PAICS: variants seen among roughly 807,000 people sequenced by gnomAD.
PAICS encodes the protein bifunctional phosphoribosylaminoimidazole carboxylase/phosphoribosylaminoimidazole succinocarboxamide synthetase.
In PAICS, 33 loss-of-function variants were observed where a neutral mutation model predicts 53.7. The observed-to-expected ratio is 0.61, with a 90% CI of 0.47 to 0.82. The LOEUF (loss-of-function observed/expected upper bound fraction) is 0.82, where lower values mean the gene tolerates loss of function less well. Ranked by LOEUF, PAICS falls within the 40% of genes least tolerant of loss-of-function variation. The pLI, the probability that PAICS is intolerant of heterozygous loss-of-function variation, is 0.00. For missense variants in PAICS, 394 were observed against 494.1 expected, an observed-to-expected ratio of 0.80 and a Z score of 1.92; for synonymous variants, 141 against 167.2, an observed-to-expected ratio of 0.84 and a Z score of 1.21.
chr4:56,441,961 T>C, intron 2 of PAICS, 101 bp downstream of exon 2: 1 of 752,240 alleles, frequency 1.3e-6, no homozygotes, highest in Non-Finnish European at 2.1e-6. Flanking sequence ...TGTTTGCAGA[T>C]GTCTCAAAAG....
At chr4:56,427,877 T>C in the PAICS span, among the ~76,000 whole-genome samples, 8 of 152,184 alleles carry the variant, frequency 5.3e-5, no homozygotes, top group South Asian at 2.1e-4. Flanking sequence ...ATCTCTATTG[T>C]GTATTACCTA....
chr4:56,448,294 C>T (rs546995757), intron 3 of PAICS, 124 bp from the exon 4 acceptor site: 12 of 615,678 alleles, frequency 1.9e-5, no homozygotes, highest in African/African-American at 1.3e-4. Context: ...CATGAGCCAC[C>T]ATGCCCGGCT....
chr4:56,437,259 GTGT>G (rs1718058603), intron 1 of PAICS, among the ~76,000 whole-genome samples: 1 of 86,994 alleles, frequency 1.1e-5, no homozygotes, highest in East Asian at 7.8e-4. Flanking sequence ...CCATGATGGT[GTGT>G]GTGTGTGTGT....
At chr4:56,437,466 T>C (rs1718074905) in intron 1 of PAICS, among the ~76,000 whole-genome samples, 1 of 152,108 alleles carries the variant, frequency 6.6e-6, no homozygotes, top group Non-Finnish European at 1.5e-5. Context: ...GGCAAATTGC[T>C]TTTGTGGCTG....
rs562121018 is a variant in PAICS at position 56,441,812 on chromosome 4, A to G, written c.166A>G (p.Ile56Val). ...RKNHLEGKAAISNKITSCIFQ... is the reference protein window; with the variant it reads ...RKNHLEGKAAVSNKITSCIFQ... The stretch of plus-strand genomic sequence containing the variant: ...AAACCACCTGGAAGGAAAAGCTGCA[A>G]TCTCAAATAAAATCACCAGTTGTAT... Residue 56 changes from isoleucine to valine, a missense_variant, in exon 2 of 9, where the codon ATC (isoleucine) becomes GTC (valine). Physicochemically the swap from Ile to Val is conservative, Grantham distance 29. Coordinates refer to ENST00000512576, the MANE Select transcript of PAICS (RefSeq NM_001079524.2). 41 of 1,600,608 alleles carry G rather than the reference A, an allele frequency of 2.6e-5. No homozygotes were observed. The highest frequency in any genetic ancestry group is 2.2e-4 in the East Asian group (10 of 44,592).
At chr4:56,459,233 A>T (rs1719376583) in intron 8 of PAICS, 139 bp from the exon 9 acceptor site, 3 of 509,822 alleles carry the variant, frequency 5.9e-6, no homozygotes, top group Admixed American at 7.4e-5. Context: ...AGTTGTACAG[A>T]TTCTACTTTA....
intron 1 of PAICS, among the ~76,000 whole-genome samples, chr4:56,438,398 TATATAA>T (rs1315796852): frequency 7.0e-6 from 1 of 142,756 alleles, no homozygotes; most frequent in Non-Finnish European, 1.5e-5. Context: ...TATATATATA[TATATAA>T]AAGGTTTTTT....
At chr4:56,423,965 T>C in the PAICS span, among the ~76,000 whole-genome samples, 1 of 152,192 alleles carries the variant, frequency 6.6e-6, no homozygotes, top group Non-Finnish European at 1.5e-5. Context: ...ATATGAATTA[T>C]TTATCTTCAG....
chr4:56,432,476 A>G (rs1163339792), upstream of PAICS, among the ~76,000 whole-genome samples: 1 of 149,622 alleles, frequency 6.7e-6, no homozygotes, highest in Admixed American at 6.7e-5. Flanking sequence ...CAATGAGCCC[A>G]GATCATACCA....
intron 2 of PAICS, among the ~76,000 whole-genome samples, chr4:56,443,149 A>G (rs1027723590): frequency 5.3e-5 from 8 of 152,140 alleles, no homozygotes; most frequent in African/African-American, 1.9e-4. Context: ...TCCTTTTGCA[A>G]TACCGATAAG....
the PAICS span, chr4:56,420,002 AC>A: frequency 1.0e-6 from 1 of 985,140 alleles, no homozygotes; most frequent in Non-Finnish European, 1.2e-6. Context: ...AAGATGGAGA[AC>A]ATGTCACAGA....
At chr4:56,414,056 C>T in the PAICS span, among the ~76,000 whole-genome samples, 1 of 152,116 alleles carries the variant, frequency 6.6e-6, no homozygotes, top group Non-Finnish European at 1.5e-5. Context: ...CCATTCATGT[C>T]AATTGGGGTC....
chr4:56,438,067 A>AG (rs948800885), intron 1 of PAICS, among the ~76,000 whole-genome samples: 1 of 151,862 alleles, frequency 6.6e-6, no homozygotes, highest in African/African-American at 2.4e-5. Context: ...GTGGCAACAA[A>AG]GGCAAAAATG....
At chr4:56,458,282 C>CT (rs35249885) in intron 8 of PAICS, among the ~76,000 whole-genome samples, 262 of 146,566 alleles carry the variant, frequency 1.8e-3, no homozygotes, top group Middle Eastern at 0.011. Context: ...CACTAGATAA[C>CT]TTTTTTTTTT....
the PAICS span, chr4:56,410,899 T>TAA: frequency 2.1e-3 from 1,448 of 678,368 alleles, 29 homozygotes; most frequent in East Asian, 9.1e-3. Flanking sequence ...CCACTGAAGG[T>TAA]AAAAAAAAAA....
At chr4:56,438,630 G>A (rs1010501523) in intron 1 of PAICS, among the ~76,000 whole-genome samples, 2 of 151,604 alleles carry the variant, frequency 1.3e-5, no homozygotes, top group African/African-American at 2.4e-5. Flanking sequence ...GTAGAGTCAG[G>A]GTTTTGCCAT....
the PAICS span, chr4:56,410,594 C>T: frequency 1.1e-5 from 11 of 985,570 alleles, no homozygotes; most frequent in South Asian, 4.7e-5. Flanking sequence ...AAAAAATATA[C>T]GAAAACAACT....
At chr4:56,425,753 C>T in the PAICS span, among the ~76,000 whole-genome samples, 2 of 152,076 alleles carry the variant, frequency 1.3e-5, no homozygotes, top group African/African-American at 4.8e-5. Context: ...AGCTTTGTGC[C>T]AGTGTGACCT....
chr4:56,446,587 G>C (rs1718631280), intron 2 of PAICS, 108 bp from the exon 3 acceptor site: 2 of 677,274 alleles, frequency 3.0e-6, no homozygotes, highest in Non-Finnish European at 5.1e-6. Context: ...ACTTATTTTT[G>C]ATAGAGGTTC....
Sources: allele counts gnomAD v4.1 joint callset (sites outside exome capture counted in the v4.1 genomes callset), GRCh38; gene constraint gnomAD v4.1.1; transcripts MANE v1.5; gene names NCBI Gene and HGNC (gene_info 2026-07-23, HGNC 2026-07-21).